PALD1: variants seen among roughly 807,000 people sequenced by gnomAD.
The protein encoded by PALD1 is phosphatase domain containing paladin 1, also known as paladin.
A neutral mutation model predicts 96.0 loss-of-function variants in PALD1; 57 were observed. The observed-to-expected ratio is 0.59, with a 90% CI of 0.48 to 0.74. The LOEUF (loss-of-function observed/expected upper bound fraction) is 0.74. Ranked by LOEUF, PALD1 falls within the 30% of genes least tolerant of loss-of-function variation. The probability of loss-of-function intolerance (pLI) is 0.00; values close to 1 mark genes in which losing one functional copy is unlikely to be tolerated. For synonymous variants in PALD1, 464 were observed against 473.6 expected (o/e 0.98, Z 0.26); for missense variants, 1,063 against 1,143.7 (o/e 0.93, Z 1.02).
the PALD1 span, among the ~76,000 whole-genome samples, chr10:70,471,797 C>T: frequency 6.6e-6 from 1 of 152,210 alleles, no homozygotes; most frequent in African/African-American, 2.4e-5. Context: ...ATATCTGTTT[C>T]CCACCCATCA....
At chr10:70,533,286 T>C (rs1847034398) in intron 7 of PALD1, among the ~76,000 whole-genome samples, 1 of 152,036 alleles carries the variant, frequency 6.6e-6, no homozygotes, top group African/African-American at 2.4e-5. Context: ...TGTGTGTACA[T>C]GTTTATGTGT....
At chr10:70,486,286 G>T in intron 1 of PALD1, 1 of 157,300 alleles carries the variant, frequency 6.4e-6, no homozygotes, top group Non-Finnish European at 1.5e-5. Context: ...ACCTGCTTCT[G>T]CTCCCACTTG....
chr10:70,481,846 C>T (rs185860705), intron 1 of PALD1, among the ~76,000 whole-genome samples: 17 of 152,364 alleles, frequency 1.1e-4, no homozygotes, highest in African/African-American at 3.6e-4. Context: ...AACCTGGCAC[C>T]TGAGAGACAG....
intron 18 of PALD1, among the ~76,000 whole-genome samples, chr10:70,552,603 C>T (rs1488150927): frequency 3.4e-5 from 5 of 147,852 alleles, no homozygotes; most frequent in African/African-American, 1.0e-4. Flanking sequence ...CCTCCGAGCT[C>T]TCACTGAATT....
intron 1 of PALD1, among the ~76,000 whole-genome samples, chr10:70,518,828 C>A (rs1276130153): frequency 2.0e-5 from 3 of 152,234 alleles, no homozygotes; most frequent in Non-Finnish European, 4.4e-5. Context: ...GAGTCCCCGA[C>A]CCCTGCCCCC....
intron 7 of PALD1, 75 bp downstream of exon 7, chr10:70,533,145 G>C (rs1847031204): frequency 8.6e-7 from 1 of 1,164,956 alleles, no homozygotes; most frequent in Admixed American, 2.0e-5. Flanking sequence ...GGTGGGCACA[G>C]CCTCTCGCCT....
intron 17 of PALD1, among the ~76,000 whole-genome samples, 200 bp downstream of exon 17, chr10:70,541,734 C>T (rs531521467): frequency 3.9e-5 from 6 of 152,298 alleles, no homozygotes; most frequent in Admixed American, 2.0e-4. Context: ...CCCTGGCAGA[C>T]GGCCGGCTAT....
At chr10:70,465,218 C>T in the PALD1 span, among the ~76,000 whole-genome samples, 1 of 152,132 alleles carries the variant, frequency 6.6e-6, no homozygotes, top group African/African-American at 2.4e-5. Context: ...TCGTGATCCG[C>T]CCGCCTCTGC....
intron 17 of PALD1, 90 bp downstream of exon 17, chr10:70,541,624 G>A (rs1471705476): frequency 5.3e-5 from 48 of 904,960 alleles, no homozygotes; most frequent in East Asian, 5.2e-5. Flanking sequence ...CTCAAAGCAC[G>A]TCCCAATGCA....
intron 1 of PALD1, among the ~76,000 whole-genome samples, chr10:70,482,721 G>A (rs1249278619): frequency 6.6e-6 from 1 of 152,168 alleles, no homozygotes; most frequent in Non-Finnish European, 1.5e-5. Context: ...CATTAGCCAT[G>A]TGGCCCAGGG....
rs1465445572 is a variant in PALD1 at position 70,567,812 on chromosome 10, GC to G, written c.*1080del. 1.3e-5 allele frequency: 2 copies of G among 152,402 alleles called. No homozygotes were observed. Among genetic ancestry groups the G allele is most frequent in the Non-Finnish European group, 2.9e-5 (2 of 68,062 alleles). The allele number at this position is 152,402 out of a possible 1,614,324, so 9.4% of individuals were successfully genotyped here. A position where few individuals can be genotyped will look rare whatever the true frequency, so the allele number is the denominator to read the frequency against. On this transcript the variant is annotated 3_prime_UTR_variant, in exon 20 of 20. Coordinates refer to ENST00000263563, the MANE Select transcript of PALD1 (RefSeq NM_014431.3). ...TGCTGGGATCCACTGTTTCCACACA[GC>G]GGGAAGGCTGCTGGGAACAGGTGGC...
At chr10:70,538,813 C>A in intron 12 of PALD1, 79 bp from the exon 13 acceptor site, 2 of 1,202,826 alleles carry the variant, frequency 1.7e-6, no homozygotes, top group Non-Finnish European at 2.5e-6. Context: ...CACCCCCCGT[C>A]TGCCTTGGGC....
chr10:70,534,452 G>T lies in PALD1; in HGVS notation c.1050G>T (p.Leu350=), dbSNP rs750397642. ...CTGCCCCCACGCAGGCCAAGCCCCT[G>T]CCTATGGAGCAGTTCCAGGTGATCC... ...PEAAPTQAKP[L]PMEQFQVIQS... Residue 350 remains leucine, a synonymous_variant, in exon 9 of 20, where the codon CTG becomes CTT. Coordinates refer to ENST00000263563, the MANE Select transcript of PALD1 (RefSeq NM_014431.3). The T allele has an allele frequency of 6.2e-7, 1 of 1,612,342 alleles. No individual in the cohort carries two copies. The highest frequency in any genetic ancestry group is 8.5e-7 in the Non-Finnish European group (1 of 1,179,304).
chr10:70,520,685 C>CTTTT (rs10545684), intron 1 of PALD1, among the ~76,000 whole-genome samples: 352 of 87,588 alleles, frequency 4.0e-3, no homozygotes, highest in East Asian at 0.013. Flanking sequence ...TTCTTTCTTT[C>CTTTT]TTTTTTTTTT....
upstream of PALD1, among the ~76,000 whole-genome samples, chr10:70,476,889 G>A (rs1845831750): frequency 1.3e-4 from 1 of 7,994 alleles, no homozygotes; most frequent in Non-Finnish European, 2.3e-4. Context: ...AGCAAAGTGT[G>A]TGTATTTGTA....
At chr10:70,481,726 C>T (rs1231317497) in intron 1 of PALD1, among the ~76,000 whole-genome samples, 1 of 152,192 alleles carries the variant, frequency 6.6e-6, no homozygotes, top group Admixed American at 6.5e-5. Flanking sequence ...CATGTAGCTG[C>T]GTCTGTGATG....
In PALD1 at chr10:70,531,442, C is replaced by T. The variant is rs1846988930; in HGVS notation, c.621C>T (p.Ala207=). ...TCCGGGTGGAGAGCCTGGAGCTGGC[C>T]ATCCGGAAAGAGGTGAGGACCAGTG... The part of the protein sequence containing the change: ...PGVRVESLEL[A]IRKEIHDFAQ... Residue 207 remains alanine, a synonymous_variant, in exon 5 of 20, where the codon GCC becomes GCT. Transcript: ENST00000263563. 1 of 1,613,360 alleles carries T rather than the reference C, an allele frequency of 6.2e-7. No individual in the cohort carries two copies. Among genetic ancestry groups the T allele is most frequent in the African/African-American group, 1.3e-5 (1 of 74,894 alleles).
upstream of PALD1, among the ~76,000 whole-genome samples, chr10:70,476,013 G>A (rs1437558530): frequency 2.0e-5 from 3 of 152,180 alleles, no homozygotes; most frequent in Admixed American, 2.0e-4. Flanking sequence ...ATGAGTTCAC[G>A]CACGAGCAAT....
chr10:70,500,328 C>T (rs1005141970), intron 1 of PALD1, among the ~76,000 whole-genome samples: 15 of 152,122 alleles, frequency 9.9e-5, no homozygotes, highest in African/African-American at 2.7e-4. Context: ...GGACACAGGC[C>T]GTGGTCGTGC....
Sources: allele counts gnomAD v4.1 joint callset (sites outside exome capture counted in the v4.1 genomes callset), GRCh38; gene constraint gnomAD v4.1.1; transcripts MANE v1.5; gene names NCBI Gene and HGNC (gene_info 2026-07-23, HGNC 2026-07-21).